NFIA: variants seen among roughly 807,000 people sequenced by gnomAD.
NFIA encodes the protein nuclear factor 1 A-type.
In NFIA, 8 loss-of-function variants were observed where a neutral mutation model predicts 62.8. The observed-to-expected ratio is 0.13, with a 90% CI of 0.07 to 0.23. The LOEUF (loss-of-function observed/expected upper bound fraction) is 0.23. NFIA is among the 10% of genes least tolerant of loss of function. NFIA has a pLI of 1.00. For synonymous variants in NFIA, 235 were observed against 238.1 expected, an observed-to-expected ratio of 0.99 and a Z score of 0.12; for missense variants, 410 against 642.1, an observed-to-expected ratio of 0.64 and a Z score of 3.91.
intron 5 of NFIA, among the ~76,000 whole-genome samples, chr1:61,358,097 A>C (rs1020360168): frequency 2.0e-5 from 3 of 151,924 alleles, no homozygotes; most frequent in Non-Finnish European, 4.4e-5. Flanking sequence ...ACCCTGATGG[A>C]ATAAAACTTT....
intron 2 of NFIA, among the ~76,000 whole-genome samples, chr1:61,117,494 T>A (rs1570190158): frequency 9.7e-6 from 1 of 103,404 alleles, no homozygotes; most frequent in East Asian, 2.2e-4. Context: ...AAGTCTGCAA[T>A]AATGTTAAGA....
At chr1:61,085,138 A>G (rs779721873) in intron 1 of NFIA, among the ~76,000 whole-genome samples, 1 of 152,168 alleles carries the variant, frequency 6.6e-6, no homozygotes, top group Non-Finnish European at 1.5e-5. Flanking sequence ...CAGTAAGCAC[A>G]GTGATTTCTA....
chr1:61,091,849 G>GT (rs549619372), intron 2 of NFIA, among the ~76,000 whole-genome samples: 4,743 of 141,806 alleles, frequency 0.033, 228 homozygotes, highest in African/African-American at 0.1. Context: ...GAGAGTTGTT[G>GT]TTTTTTTTTT....
intron 6 of NFIA, 53 bp downstream of exon 6, chr1:61,359,327 C>T (rs1300282986): frequency 8.7e-6 from 14 of 1,609,774 alleles, no homozygotes; most frequent in East Asian, 2.2e-5. Context: ...ACTGAAAATA[C>T]GTGTGGGGTC....
At chr1:61,243,568 TATTC>T (rs892567721) in intron 2 of NFIA, among the ~76,000 whole-genome samples, 1 of 152,188 alleles carries the variant, frequency 6.6e-6, no homozygotes. Flanking sequence ...TTCTATTACA[TATTC>T]ATTGATGATT....
At chr1:61,377,121 G>C (rs1387558859) in intron 6 of NFIA, among the ~76,000 whole-genome samples, 1 of 152,004 alleles carries the variant, frequency 6.6e-6, no homozygotes, top group Non-Finnish European at 1.5e-5. Context: ...TACTCAGGAG[G>C]CTGAGGCAGG....
chr1:61,314,215 C>A (rs1006623334), intron 3 of NFIA, among the ~76,000 whole-genome samples: 3 of 152,112 alleles, frequency 2.0e-5, no homozygotes, highest in Admixed American at 2.0e-4. Flanking sequence ...TTAATGCCCC[C>A]CTCTGTGCCC....
At chr1:61,244,121 G>C (rs1311291803) in intron 2 of NFIA, among the ~76,000 whole-genome samples, 2 of 152,152 alleles carry the variant, frequency 1.3e-5, no homozygotes, top group African/African-American at 2.4e-5. Context: ...TTTCTATATA[G>C]TAGCTTTCTG....
chr1:61,366,521 T>G (rs1192644975), intron 6 of NFIA, among the ~76,000 whole-genome samples: 4 of 152,218 alleles, frequency 2.6e-5, no homozygotes, highest in Non-Finnish European at 1.5e-5. Context: ...AGTGAAAGTT[T>G]TGAAGTCAAA....
intron 3 of NFIA, among the ~76,000 whole-genome samples, chr1:61,287,055 A>G (rs1658548687): frequency 6.6e-6 from 1 of 152,202 alleles, no homozygotes. Flanking sequence ...CAAGGAAAAG[A>G]TATGGCACAT....
At chr1:61,081,829 T>TG, upstream of NFIA, 1 of 1,497,948 alleles carries the variant, frequency 6.7e-7, no homozygotes. Context: ...TGCCGACGAA[T>TG]CTATTCCCAC....
chr1:61,383,457 A>G, intron 7 of NFIA, 92 bp downstream of exon 7: 2 of 1,524,520 alleles, frequency 1.3e-6, no homozygotes, highest in Non-Finnish European at 1.8e-6. Context: ...CTCCCCCTGA[A>G]CACTCGTGAG....
chr1:61,400,350 C>T (rs933822557), intron 7 of NFIA, among the ~76,000 whole-genome samples: 4 of 152,150 alleles, frequency 2.6e-5, no homozygotes, highest in African/African-American at 4.8e-5. Flanking sequence ...TCTGGCCACT[C>T]GTTAAAGTTT....
chr1:61,176,405 A>G (rs959107473), intron 2 of NFIA, among the ~76,000 whole-genome samples: 1 of 152,190 alleles, frequency 6.6e-6, no homozygotes, highest in African/African-American at 2.4e-5. Context: ...TATAAAACTA[A>G]GTCCTACCAG....
Position 61,456,368 on chromosome 1 carries a change from G to A in NFIA, c.*1048G>A, listed in dbSNP as rs1244712129. 6 of 90,760 alleles carry A rather than the reference G, an allele frequency of 6.6e-5. No individual in the cohort carries two copies. The highest frequency in any genetic ancestry group is 1.3e-4 in the Admixed American group (1 of 7,602). 5.6% of individuals were successfully genotyped at this position (90,760 alleles called of 1,614,324 possible). ...AACTTGTATCCCTTTAAAAACTGAAGGAAATTAAAAAAAAAAAACAAAAAA... is the reference window on the plus strand; with the variant it reads ...AACTTGTATCCCTTTAAAAACTGAAAGAAATTAAAAAAAAAAAACAAAAAA... On this transcript the variant is annotated 3_prime_UTR_variant, in exon 11 of 11. Transcript: ENST00000403491.
chr1:61,188,582 A>G (rs959204248), intron 2 of NFIA, among the ~76,000 whole-genome samples: 8 of 152,180 alleles, frequency 5.3e-5, no homozygotes, highest in Non-Finnish European at 1.2e-4. Flanking sequence ...TAGGCAAATT[A>G]TTTGACTTTG....
At chr1:61,116,567 C>T (rs552873410) in intron 2 of NFIA, among the ~76,000 whole-genome samples, 3 of 152,130 alleles carry the variant, frequency 2.0e-5, no homozygotes, top group African/African-American at 7.2e-5. Context: ...GAATGACATT[C>T]GTTAAGTTGT....
intron 2 of NFIA, among the ~76,000 whole-genome samples, chr1:61,193,111 G>A (rs972430559): frequency 6.6e-6 from 1 of 152,172 alleles, no homozygotes; most frequent in Non-Finnish European, 1.5e-5. Flanking sequence ...CTAATGTGGG[G>A]GAAAACATGG....
intron 6 of NFIA, among the ~76,000 whole-genome samples, chr1:61,359,736 G>T (rs540643044): frequency 1.3e-5 from 2 of 151,924 alleles, no homozygotes; most frequent in Non-Finnish European, 2.9e-5. Flanking sequence ...CTGCCACCAC[G>T]CCTGGCTAAT....
Sources: gnomAD v4.1 joint callset for allele counts (sites outside exome capture counted in the v4.1 genomes callset) on GRCh38, gnomAD v4.1.1 for gene constraint, MANE v1.5 for transcripts, NCBI Gene and HGNC (gene_info 2026-07-23, HGNC 2026-07-21) for gene names.